Variants in ADAM10 observed in about 807,000 individuals in gnomAD.
The protein encoded by ADAM10 is disintegrin and metalloproteinase domain-containing protein 10.
A neutral mutation model predicts 90.1 loss-of-function variants in ADAM10; 17 were observed. That is an observed-to-expected ratio of 0.19 (90% confidence interval 0.13 to 0.28). The LOEUF (loss-of-function observed/expected upper bound fraction) is 0.28. Among genes scored for constraint, ADAM10 ranks in the 10% least tolerant of loss-of-function variants. The pLI, the probability that ADAM10 is intolerant of heterozygous loss-of-function variation, is 1.00. For synonymous variants in ADAM10, 310 were observed against 298.6 expected (o/e 1.04, Z -0.40); for missense variants, 610 against 914.3 (o/e 0.67, Z 4.29).
intron 1 of ADAM10, among the ~76,000 whole-genome samples, chr15:58,731,577 G>C (rs145163056): frequency 6.6e-6 from 1 of 152,110 alleles, no homozygotes; most frequent in South Asian, 2.1e-4. Flanking sequence ...GGGGTTAGCC[G>C]TATTCACACC....
At chr15:58,708,032 G>A (rs371557893) in intron 2 of ADAM10, among the ~76,000 whole-genome samples, 73 of 151,812 alleles carry the variant, frequency 4.8e-4, no homozygotes, top group Non-Finnish European at 9.0e-4. Flanking sequence ...AGTGAAGATC[G>A]CGCCACTGTA....
chr15:58,672,222 G>C, intron 4 of ADAM10: 1 of 152,132 alleles, frequency 6.6e-6, no homozygotes, highest in Non-Finnish European at 1.5e-5. Context: ...GACCTCCATG[G>C]AGACAGTGCT....
intron 11 of ADAM10, among the ~76,000 whole-genome samples, chr15:58,615,932 C>A (rs942807011): frequency 6.6e-6 from 1 of 151,878 alleles, no homozygotes; most frequent in Non-Finnish European, 1.5e-5. Flanking sequence ...CGCTTGAACC[C>A]GGGAGGCGCA....
chr15:58,736,920 G>C (rs1014998179), intron 1 of ADAM10, among the ~76,000 whole-genome samples: 7 of 151,874 alleles, frequency 4.6e-5, no homozygotes, highest in Non-Finnish European at 1.0e-4. Flanking sequence ...TTCAAGACCA[G>C]CCTGGGCAAC....
At chr15:58,684,968 T>C (rs1204591324) in intron 2 of ADAM10, among the ~76,000 whole-genome samples, 1 of 152,038 alleles carries the variant, frequency 6.6e-6, no homozygotes, top group East Asian at 1.9e-4. Flanking sequence ...TGTTGGAAAA[T>C]AGCCCAGAAA....
chr15:58,673,118 TGA>T (rs1596053512), intron 4 of ADAM10, among the ~76,000 whole-genome samples: 1 of 152,206 alleles, frequency 6.6e-6, no homozygotes, highest in East Asian at 1.9e-4. Context: ...AGTCAGTTGA[TGA>T]GAGAGCATAA....
intron 1 of ADAM10, chr15:58,747,907 T>A (rs1899842687): frequency 6.6e-6 from 1 of 152,212 alleles, no homozygotes; most frequent in Admixed American, 6.5e-5. Flanking sequence ...TTTGTCTTAC[T>A]TTTTATTACC....
intron 2 of ADAM10, among the ~76,000 whole-genome samples, chr15:58,687,575 T>G (rs550013917): frequency 6.9e-6 from 1 of 143,992 alleles, no homozygotes; most frequent in South Asian, 2.1e-4. Flanking sequence ...TCTGCTTAAT[T>G]AATCATAAAA....
chr15:58,647,257 T>C lies in ADAM10; in HGVS notation c.586-1053A>G, dbSNP rs964380728. Among the ~76,000 whole-genome samples, 84 of 97,590 alleles carry C rather than the reference T, an allele frequency of 8.6e-4. 4 individuals are homozygous for C. Among genetic ancestry groups the C allele is most frequent in the African/African-American group, 1.2e-3 (33 of 27,446 alleles). The allele number at this position is 97,590 out of a possible 152,430, so 64.0% of individuals were successfully genotyped here. A position where few individuals can be genotyped will look rare whatever the true frequency, so the allele number is the denominator to read the frequency against. On this transcript the variant is annotated intron_variant, in intron 5 of 15. Coordinates refer to ENST00000260408, the MANE Select transcript of ADAM10 (RefSeq NM_001110.4). ...AGAGTAGACACTAAGTATTTTTTTT[T>C]TTTTTTTTTTTTTTTTTTTTTGAGA...
chr15:58,600,254 A>G (rs1895072411), intron 14 of ADAM10, among the ~76,000 whole-genome samples: 1 of 152,152 alleles, frequency 6.6e-6, no homozygotes, highest in Non-Finnish European at 1.5e-5. Context: ...ACTCTTATAG[A>G]CTATGTTTTG....
intron 14 of ADAM10, among the ~76,000 whole-genome samples, chr15:58,607,070 A>G (rs1895298229): frequency 6.6e-6 from 1 of 152,266 alleles, no homozygotes; most frequent in Admixed American, 6.5e-5. Context: ...ATTTTTTTCA[A>G]TCATTTAAAA....
At chr15:58,606,021 AT>A (rs1895262945) in intron 14 of ADAM10, among the ~76,000 whole-genome samples, 1 of 152,160 alleles carries the variant, frequency 6.6e-6, no homozygotes, top group South Asian at 2.1e-4. Context: ...ACATAAGATA[AT>A]CTACTGTTCT....
chr15:58,704,939 C>G (rs934685339), intron 2 of ADAM10, among the ~76,000 whole-genome samples: 6 of 152,180 alleles, frequency 3.9e-5, no homozygotes, highest in Non-Finnish European at 8.8e-5. Context: ...AAAAGTCAAG[C>G]TAACACATGC....
At chr15:58,652,907 GT>G (rs1312048024) in intron 5 of ADAM10, among the ~76,000 whole-genome samples, 1 of 152,012 alleles carries the variant, frequency 6.6e-6, no homozygotes, top group Non-Finnish European at 1.5e-5. Context: ...CTTTCACAGT[GT>G]TTTATACTTT....
rs762178158 is a variant in ADAM10 at position 58,633,158 on chromosome 15, A to G, written c.1176+38T>C. On this transcript the variant is annotated intron_variant, in intron 9 of 15. Coordinates refer to ENST00000260408, the MANE Select transcript of ADAM10 (RefSeq NM_001110.4). ...ATCACTCAACATAAAAATTAGACTA[A>G]TAAGTATTTTTTAAGCTAATAATTA... 5.2e-6 allele frequency: 8 copies of G among 1,548,618 alleles called. No individual in the cohort carries two copies. In the Admixed American group the frequency reaches 8.4e-5, roughly 16 times the overall value.
chr15:58,619,472 G>A (rs1895715370), intron 11 of ADAM10, among the ~76,000 whole-genome samples: 1 of 152,142 alleles, frequency 6.6e-6, no homozygotes, highest in Non-Finnish European at 1.5e-5. Context: ...GATTTAAAAT[G>A]TTCCCAAGAC....
At chr15:58,620,365 G>T (rs1895743187) in intron 11 of ADAM10, among the ~76,000 whole-genome samples, 1 of 152,006 alleles carries the variant, frequency 6.6e-6, no homozygotes, top group South Asian at 2.1e-4. Flanking sequence ...TATTCAGGAG[G>T]CTGAGGCAGG....
At chr15:58,632,189 G>C (rs780323410) in intron 9 of ADAM10, among the ~76,000 whole-genome samples, 1 of 152,096 alleles carries the variant, frequency 6.6e-6, no homozygotes, top group Non-Finnish European at 1.5e-5. Context: ...GTGTTGTACT[G>C]ATCTTTAAGG....
intron 11 of ADAM10, among the ~76,000 whole-genome samples, chr15:58,619,966 C>T (rs753462786): frequency 2.6e-5 from 4 of 151,450 alleles, no homozygotes; most frequent in Non-Finnish European, 5.9e-5. Context: ...GAAAAGTGTG[C>T]GACTTTTTTT....
Sources: allele counts gnomAD v4.1 joint callset (sites outside exome capture counted in the v4.1 genomes callset), GRCh38; gene constraint gnomAD v4.1.1; transcripts MANE v1.5; gene names NCBI Gene and HGNC (gene_info 2026-07-23, HGNC 2026-07-21).